SPRYD3: variants seen among roughly 807,000 people sequenced by gnomAD.
SPRYD3 encodes the protein SPRY domain-containing protein 3.
A neutral mutation model predicts 50.1 loss-of-function variants in SPRYD3; 17 were observed. The ratio of observed to expected loss-of-function variants is 0.34; its 90% CI spans 0.23 to 0.51. SPRYD3 has a LOEUF of 0.51. SPRYD3 is among the 20% of genes least tolerant of loss of function. The pLI is 0.97. For synonymous variants in SPRYD3, 198 were observed against 215.5 expected, an observed-to-expected ratio of 0.92 and a Z score of 0.71; for missense variants, 401 against 591.2, an observed-to-expected ratio of 0.68 and a Z score of 3.34.
At chr12:53,073,259 C>CCGGGGGGGG in intron 6 of SPRYD3, 27 bp downstream of exon 6, 17 of 400,906 alleles carry the variant, frequency 4.2e-5, no homozygotes, top group Non-Finnish European at 5.0e-5. Context: ...CGACCCAGCC[C>CCGGGGGGGG]CTCCCACCCT....
At chr12:53,076,963 AAAAG>A (rs1434622884) in intron 2 of SPRYD3, 148 bp downstream of exon 2, 6 of 693,024 alleles carry the variant, frequency 8.7e-6, no homozygotes, top group South Asian at 4.2e-5. Flanking sequence ...AAAAAAAAGA[AAAAG>A]AAAGGCCTCT....
chr12:53,078,189 G>GAA (rs369509110), intron 1 of SPRYD3: 9 of 377,922 alleles, frequency 2.4e-5, no homozygotes, highest in African/African-American at 6.7e-5. Context: ...AAAAAAAAAA[G>GAA]AAAAAAAAAT....
rs566586590 is a variant in SPRYD3, at chr12:53,074,536, C to T, written c.507+113G>A. The stretch of plus-strand genomic sequence containing the variant: ...GAGGCTGGACTGGAGGAGATGGGAA[C>T]TCAGTGCAAGGGTCCCTGGGCAAGC... On this transcript the variant is annotated intron_variant, in intron 5 of 10. Transcript: ENST00000301463. This position sits in a 1 kb window ranked among gnomAD's most constrained non-coding sequence, Gnocchi z 4.6. 2.3e-6 allele frequency: 3 copies of T among 1,309,554 alleles called. No homozygotes were observed. The Admixed American group carries it at 5.4e-5, about 24-fold the overall frequency. The allele number at this position is 1,309,554 out of a possible 1,614,324, so 81.1% of individuals were successfully genotyped here.
Position 53,077,173 on chromosome 12 carries a change from G to C in SPRYD3, c.112C>G (p.Arg38Gly), listed in dbSNP as rs1192929856. ...RRRIREIREV[R>G]AFRYQERFKH... is the part of the protein sequence containing the mutation. ...AACCTCTCCTGATATCGGAAAGCTC[G>C]GACCTCTCGAATCTCCCGGATCCGC... Residue 38 changes from arginine (R) to glycine (G), a missense_variant, in exon 2 of 11, where the codon CGA becomes GGA. Arg to Gly is a moderately radical substitution (Grantham distance 125, BLOSUM62 -2). Coordinates refer to ENST00000301463, the MANE Select transcript of SPRYD3 (RefSeq NM_032840.3). 8 of 1,614,024 alleles carry C rather than the reference G, an allele frequency of 5.0e-6. No individual in the cohort carries two copies. Among genetic ancestry groups the C allele is most frequent in the East Asian group, 4.5e-5 (2 of 44,900 alleles).
chr12:53,073,217 A>C, intron 6 of SPRYD3, 69 bp downstream of exon 6: 1 of 1,021,636 alleles, frequency 9.8e-7, no homozygotes, highest in Non-Finnish European at 1.5e-6. Context: ...AGACATGACC[A>C]TGTGCCCACA....
intron 8 of SPRYD3, 135 bp downstream of exon 8, chr12:53,067,513 T>A: frequency 2.6e-6 from 2 of 766,722 alleles, no homozygotes; most frequent in Non-Finnish European, 2.3e-6. Context: ...CACTAGCGAT[T>A]TGGGAAGGGG....
chr12:53,079,353 G>C lies in SPRYD3; in HGVS notation c.-20C>G, dbSNP rs200612286. ...CCTCATCCATAGGCCTCTCAGCTCC[G>C]CACACAAGCTCTTCGGCCGCCGCCA... On this transcript the variant is annotated 5_prime_UTR_variant, in exon 1 of 11. Coordinates refer to ENST00000301463, the MANE Select transcript of SPRYD3 (RefSeq NM_032840.3). The C allele has an allele frequency of 6.2e-7, 1 of 1,603,720 alleles. No individual in the cohort carries two copies. Among genetic ancestry groups the C allele is most frequent in the Non-Finnish European group, 8.5e-7 (1 of 1,175,698 alleles).
intron 1 of SPRYD3, chr12:53,078,312 C>T: frequency 3.7e-6 from 1 of 267,918 alleles, no homozygotes; most frequent in Non-Finnish European, 7.7e-6. Context: ...CATGGTGAAA[C>T]CCCATCTCTA....
At chr12:53,076,251 T>G (rs544672106) in intron 2 of SPRYD3, among the ~76,000 whole-genome samples, 9 of 152,340 alleles carry the variant, frequency 5.9e-5, no homozygotes, top group African/African-American at 2.2e-4. Context: ...CAGTTCCCAC[T>G]CCTCAGCTTT....
In SPRYD3 at chr12:53,066,471, C is replaced by A; in HGVS notation, c.1037G>T (p.Ser346Ile). The A allele has an allele frequency of 6.2e-7, 1 of 1,614,176 alleles. No homozygotes were observed. The highest frequency in any genetic ancestry group is 8.5e-7 in the Non-Finnish European group (1 of 1,180,032). The change falls in exon 10 of 11, where the codon AGT becomes ATT. Residue 346 changes from serine to isoleucine, a missense_variant. By Grantham distance (142) the Ser-to-Ile change is moderately radical. Transcript: ENST00000301463. ...ILDSEGDSDD[S>I]CDTVILSPTA... Reference sequence around the variant, plus strand: ...CGGAGACAGGATCACTGTGTCACAACTGTCATCACTGTCCCCTAGGAGACC... The same window carrying A: ...CGGAGACAGGATCACTGTGTCACAAATGTCATCACTGTCCCCTAGGAGACC...
intron 1 of SPRYD3, among the ~76,000 whole-genome samples, chr12:53,079,048 A>G (rs545906928): frequency 2.0e-4 from 31 of 152,220 alleles, no homozygotes; most frequent in Admixed American, 3.3e-4. Context: ...TGGCGGCCCT[A>G]CTGGGCCCTG....
chr12:53,074,547 G>T lies in SPRYD3; in HGVS notation c.507+102C>A. On this transcript the variant is annotated intron_variant, in intron 5 of 10. Coordinates refer to ENST00000301463, the MANE Select transcript of SPRYD3 (RefSeq NM_032840.3). This position sits in a 1 kb window ranked among gnomAD's most constrained non-coding sequence, Gnocchi z 4.6. ...GGAGGAGATGGGAACTCAGTGCAAG[G>T]GTCCCTGGGCAAGCCCCAGCCAGCA... The T allele has an allele frequency of 6.9e-7, 1 of 1,448,542 alleles. No homozygotes were observed. The highest frequency in any genetic ancestry group is 9.6e-7 in the Non-Finnish European group (1 of 1,043,168). 89.7% of individuals were successfully genotyped at this position (1,448,542 alleles called of 1,614,324 possible). A position where few individuals can be genotyped will look rare whatever the true frequency, so the allele number is the denominator to read the frequency against.
chr12:53,073,830 C>T (rs567139438), intron 5 of SPRYD3, among the ~76,000 whole-genome samples: 13 of 139,750 alleles, frequency 9.3e-5, no homozygotes, highest in Non-Finnish European at 1.8e-4. Flanking sequence ...GGGGACAGAG[C>T]GAGACTCCAT....
At position 53,075,824 on chromosome 12, in the gene SPRYD3, TGA is replaced by T. The variant is rs750122016; in HGVS notation, c.171-15_171-14del. ...GTTTCCATGATAACTGAAGGAGGAA[TGA>T]GGGGGGAATTCCATTAGCAGCCTAG... is the stretch of plus-strand genomic sequence containing the variant. On this transcript the variant is annotated splice_polypyrimidine_tract_variant and intron_variant, in intron 2 of 10. Coordinates refer to ENST00000301463, the MANE Select transcript of SPRYD3 (RefSeq NM_032840.3). 215 of 1,611,836 alleles carry T rather than the reference TGA, an allele frequency of 1.3e-4. No individual in the cohort carries two copies. Among genetic ancestry groups the T allele is most frequent in the Non-Finnish European group, 1.7e-4 (205 of 1,178,048 alleles).
At position 53,065,775 on chromosome 12, in the gene SPRYD3, G is replaced by C; in HGVS notation, c.*57C>G. Reference sequence around the variant, plus strand: ...GAAGCCTCTGGGAAGTCAGGAACTGGGTGCCTGGCCCAGCAGAGGGTGAGC... The same window carrying C: ...GAAGCCTCTGGGAAGTCAGGAACTGCGTGCCTGGCCCAGCAGAGGGTGAGC... On this transcript the variant is annotated 3_prime_UTR_variant, in exon 11 of 11. Coordinates refer to ENST00000301463, the MANE Select transcript of SPRYD3 (RefSeq NM_032840.3). 2 of 1,568,156 alleles carry C rather than the reference G, an allele frequency of 1.3e-6. No individual in the cohort carries two copies. The highest frequency in any genetic ancestry group is 1.7e-6 in the Non-Finnish European group (2 of 1,151,472).
rs1944489721 is a variant in SPRYD3, at chr12:53,064,980, C to T, written c.*852G>A. On this transcript the variant is annotated 3_prime_UTR_variant, in exon 11 of 11. Coordinates refer to ENST00000301463, the MANE Select transcript of SPRYD3 (RefSeq NM_032840.3). ...GGAGGGGCCACGCTGCCCCTCTGGG[C>T]TTGCTCAGCTAAGGCTCTGGGGTCT... 3 of 152,648 alleles carry T rather than the reference C, an allele frequency of 2.0e-5. No individual in the cohort carries two copies. 9.5% of individuals were successfully genotyped at this position (152,648 alleles called of 1,614,324 possible).
intron 2 of SPRYD3, among the ~76,000 whole-genome samples, chr12:53,076,692 C>T (rs1471936592): frequency 6.6e-6 from 1 of 152,212 alleles, no homozygotes; most frequent in African/African-American, 2.4e-5. Flanking sequence ...GCAGCACACA[C>T]TGCTCCACTC....
Position 53,066,362 on chromosome 12 carries a change from TTCCTCTTCCTCTTCC to T in SPRYD3, c.1131_1145del (p.Glu379_Glu383del), listed in dbSNP as rs745418943. On this transcript the variant is annotated inframe_deletion, in exon 10 of 11. Transcript: ENST00000301463. ...CCGGCTCTATCTCTTCCCCATCCTC[TTCCTCTTCCTCTTCC>T]TCCTCTTCCTCTTCCCCTTCCTGGT... 36 of 1,612,704 alleles carry T rather than the reference TTCCTCTTCCTCTTCC, an allele frequency of 2.2e-5. No homozygotes were observed. In the African/African-American group the frequency reaches 3.1e-4, roughly 14 times the overall value.
At chr12:53,073,256 G>GCCCCCGGGGGGGGGCCCCCCCC in intron 6 of SPRYD3, 30 bp downstream of exon 6, 1 of 424,134 alleles carries the variant, frequency 2.4e-6, no homozygotes, top group Admixed American at 4.2e-5. Flanking sequence ...CTCCGACCCA[G>GCCCCCGGGGGGGGGCCCCCCCC]CCCCTCCCAC....
Sources: gnomAD v4.1 joint callset for allele counts (sites outside exome capture counted in the v4.1 genomes callset) on GRCh38, gnomAD v4.1.1 for gene constraint, Gnocchi (gnomAD v3.1) non-coding constraint, MANE v1.5 for transcripts, NCBI Gene and HGNC (gene_info 2026-07-23, HGNC 2026-07-21) for gene names.